The following KCNIP4 variants were observed in gnomAD, a reference collection of about 807,000 sequenced individuals.
The protein encoded by KCNIP4 is Kv channel-interacting protein 4.
In KCNIP4, 12 loss-of-function variants were observed where a neutral mutation model predicts 34.0. That is an observed-to-expected ratio of 0.35 (90% CI 0.23 to 0.57). KCNIP4 has a LOEUF of 0.57. Ranked by LOEUF, KCNIP4 falls within the 20% of genes least tolerant of loss-of-function variation. The probability of loss-of-function intolerance (pLI) is 0.83; values close to 1 mark genes in which losing one functional copy is unlikely to be tolerated. For missense variants in KCNIP4, 238 were observed against 311.7 expected (o/e 0.76, Z 1.78); for synonymous variants, 124 against 102.2 (o/e 1.21, Z -1.29).
At chr4:21,066,308 T>A (rs1744376433) in intron 1 of KCNIP4, among the ~76,000 whole-genome samples, 1 of 152,100 alleles carries the variant, frequency 6.6e-6, no homozygotes. Flanking sequence ...CCAAGCAACA[T>A]GGTCAAATAG....
intron 1 of KCNIP4, among the ~76,000 whole-genome samples, chr4:20,994,590 G>T (rs142113719): frequency 6.6e-6 from 1 of 152,144 alleles, no homozygotes; most frequent in Non-Finnish European, 1.5e-5. Context: ...CATTTTAGGT[G>T]CAAGCCCAGA....
At chr4:21,414,794 A>AT (rs982740285) in intron 1 of KCNIP4, among the ~76,000 whole-genome samples, 3 of 151,838 alleles carry the variant, frequency 2.0e-5, no homozygotes, top group Non-Finnish European at 2.9e-5. Flanking sequence ...TGAATCTTTA[A>AT]TTTTTTTTCT....
At chr4:21,703,890 A>C (rs920104833) in intron 1 of KCNIP4, among the ~76,000 whole-genome samples, 2 of 152,214 alleles carry the variant, frequency 1.3e-5, no homozygotes, top group Non-Finnish European at 2.9e-5. Flanking sequence ...AATTTTGAAA[A>C]GTAAGTCTTG....
At chr4:21,579,493 T>C (rs866401665) in intron 1 of KCNIP4, among the ~76,000 whole-genome samples, 1 of 152,224 alleles carries the variant, frequency 6.6e-6, no homozygotes, top group Non-Finnish European at 1.5e-5. Context: ...CTGCTTGCTA[T>C]GTAATCTATT....
intron 1 of KCNIP4, among the ~76,000 whole-genome samples, chr4:21,688,021 T>C (rs888801167): frequency 6.6e-6 from 1 of 152,178 alleles, no homozygotes; most frequent in African/African-American, 2.4e-5. Context: ...TAGTATACCT[T>C]AAGTCTAATA....
At chr4:20,734,887 C>A (rs1173072576) in intron 5 of KCNIP4, 152 bp from the exon 6 acceptor site, 1 of 469,742 alleles carries the variant, frequency 2.1e-6, no homozygotes, top group South Asian at 3.3e-5. Context: ...TTTCAGACTT[C>A]TCTGTGGGCA....
intron 1 of KCNIP4, among the ~76,000 whole-genome samples, chr4:21,607,579 G>A (rs949862584): frequency 6.6e-6 from 1 of 151,710 alleles, no homozygotes; most frequent in African/African-American, 2.4e-5. Context: ...ATTTGATCCC[G>A]GGATCTCCCC....
intron 1 of KCNIP4, among the ~76,000 whole-genome samples, chr4:21,285,782 A>T (rs944919967): frequency 6.6e-6 from 1 of 152,122 alleles, no homozygotes; most frequent in Non-Finnish European, 1.5e-5. Flanking sequence ...CAGAGGTTGC[A>T]CTCAACCACG....
At chr4:21,108,477 G>C (rs1478693743) in intron 1 of KCNIP4, among the ~76,000 whole-genome samples, 2 of 151,562 alleles carry the variant, frequency 1.3e-5, no homozygotes, top group East Asian at 1.9e-4. Context: ...CTGTGTATTG[G>C]TTATTCTAGT....
At position 21,570,573 on chromosome 4, in the gene KCNIP4, T is replaced by A. The variant is rs559036711; in HGVS notation, c.61+377998A>T. Among the ~76,000 whole-genome samples the A allele has an allele frequency of 3.9e-5, 6 of 152,256 alleles. No individual in the cohort carries two copies. In the South Asian group the frequency reaches 1.0e-3, roughly 26 times the overall value. On this transcript the variant is annotated intron_variant, in intron 1 of 8. Coordinates refer to ENST00000382152, the MANE Select transcript of KCNIP4 (RefSeq NM_025221.6). ...CAGGAGCCTAGAACTGCATTCTGGA[T>A]AACTTGTGGCATCCATATGGGAGAA...
At chr4:21,020,920 A>G (rs772463627) in intron 1 of KCNIP4, among the ~76,000 whole-genome samples, 1 of 152,216 alleles carries the variant, frequency 6.6e-6, no homozygotes, top group African/African-American at 2.4e-5. Context: ...GAATCTCTAC[A>G]GAAACTTGCT....
At chr4:21,231,132 T>C (rs1475766558) in intron 1 of KCNIP4, among the ~76,000 whole-genome samples, 1 of 152,148 alleles carries the variant, frequency 6.6e-6, no homozygotes, top group Non-Finnish European at 1.5e-5. Flanking sequence ...CTGACTATCA[T>C]AGAAATGTCT....
intron 1 of KCNIP4, among the ~76,000 whole-genome samples, chr4:21,107,355 A>G (rs12648733): frequency 0.41 from 54,194 of 133,312 alleles, 12,289 homozygotes; most frequent in African/African-American, 0.5. Flanking sequence ...TTATGTAATG[A>G]CCTTCTTTGT....
At chr4:20,911,848 G>A (rs991585091) in intron 1 of KCNIP4, among the ~76,000 whole-genome samples, 1 of 152,102 alleles carries the variant, frequency 6.6e-6, no homozygotes, top group Non-Finnish European at 1.5e-5. Flanking sequence ...TATCCCTCAG[G>A]TTGCAGAAAC....
In KCNIP4 at chr4:21,234,332, T is replaced by A. The variant is rs1026075558; in HGVS notation, c.62-351623A>T. 3.1e-3 allele frequency among the ~76,000 whole-genome samples: 254 copies of A among 82,168 alleles called. 7 individuals are homozygous for A. In the East Asian group the frequency reaches 0.052, roughly 17 times the overall value. The allele number at this position is 82,168 out of a possible 152,430, so 53.9% of individuals were successfully genotyped here. A position where few individuals can be genotyped will look rare whatever the true frequency, so the allele number is the denominator to read the frequency against. On this transcript the variant is annotated intron_variant, in intron 1 of 8. Coordinates refer to ENST00000382152, the MANE Select transcript of KCNIP4 (RefSeq NM_025221.6). ...ATAACATATATATAACATATATAAA[T>A]TATATATAACATACATTATATATAA...
chr4:21,097,724 C>G (rs1030723076), intron 1 of KCNIP4, among the ~76,000 whole-genome samples: 1 of 152,066 alleles, frequency 6.6e-6, no homozygotes, highest in Non-Finnish European at 1.5e-5. Context: ...CTCCCTCTCC[C>G]CCAGCTTCCA....
At chr4:21,444,176 A>G (rs1012285043) in intron 1 of KCNIP4, among the ~76,000 whole-genome samples, 13 of 152,202 alleles carry the variant, frequency 8.5e-5, no homozygotes, top group African/African-American at 2.9e-4. Context: ...ATGGATTCAC[A>G]TCCGAATTCT....
At chr4:21,833,774 T>G (rs1211983686) in intron 1 of KCNIP4, among the ~76,000 whole-genome samples, 1 of 152,216 alleles carries the variant, frequency 6.6e-6, no homozygotes, top group Non-Finnish European at 1.5e-5. Context: ...TTGTATAAGG[T>G]GTAAGGAAGG....
chr4:21,704,142 T>C (rs927538679), intron 1 of KCNIP4, among the ~76,000 whole-genome samples: 1 of 152,092 alleles, frequency 6.6e-6, no homozygotes, highest in Admixed American at 6.6e-5. Context: ...AACCCAACCT[T>C]GGTGAAGATC....
Sources: allele counts gnomAD v4.1 joint callset (sites outside exome capture counted in the v4.1 genomes callset), GRCh38; gene constraint gnomAD v4.1.1; transcripts MANE v1.5; gene names NCBI Gene and HGNC (gene_info 2026-07-23, HGNC 2026-07-21).